The following UGT1A9 variants were observed in gnomAD, a reference collection of about 807,000 sequenced individuals.
UGT1A9 encodes the protein UDP glucuronosyltransferase family 1 member A9.
In UGT1A9, 35 loss-of-function variants were observed where a neutral mutation model predicts 45.0. That is an observed-to-expected ratio of 0.78 (90% CI 0.59 to 1.03). The LOEUF is 1.03. UGT1A9 is among the 50% of genes least tolerant of loss of function. The pLI is 0.00. For missense variants in UGT1A9, 687 were observed against 666.6 expected (o/e 1.03, Z -0.34); for synonymous variants, 278 against 250.6 (o/e 1.11, Z -1.03).
intron 1 of UGT1A9, among the ~76,000 whole-genome samples, chr2:233,750,279 C>G (rs577374317): frequency 6.6e-6 from 1 of 152,046 alleles, no homozygotes; most frequent in East Asian, 1.9e-4. Flanking sequence ...AGCAAAGAGA[C>G]TGGTGGCATT....
chr2:233,677,935 G>A (rs1364585524), intron 1 of UGT1A9, among the ~76,000 whole-genome samples: 1 of 152,128 alleles, frequency 6.6e-6, no homozygotes, highest in Non-Finnish European at 1.5e-5. Flanking sequence ...CCCGTCAACA[G>A]TGGCTTAGAT....
chr2:233,728,954 G>A (rs2077771414), intron 1 of UGT1A9, among the ~76,000 whole-genome samples: 1 of 150,840 alleles, frequency 6.6e-6, no homozygotes, highest in Admixed American at 6.6e-5. Flanking sequence ...GGGGCCCACA[G>A]TGAAAAACAG....
intron 1 of UGT1A9, chr2:233,691,730 A>T (rs1048657443): frequency 1.5e-5 from 12 of 777,576 alleles, no homozygotes; most frequent in Non-Finnish European, 1.9e-5. Context: ...TGGCTGGGCC[A>T]GAAGCAGATA....
At chr2:233,745,942 T>C (rs1437822844) in intron 1 of UGT1A9, among the ~76,000 whole-genome samples, 1 of 151,412 alleles carries the variant, frequency 6.6e-6, no homozygotes, top group Non-Finnish European at 1.5e-5. Flanking sequence ...CAGCTGGGGG[T>C]TGGGCAACTG....
Position 233,768,375 on chromosome 2 carries a change from A to C in UGT1A9, c.1231A>C (p.Asn411His). The change falls in exon 4 of 5, where the codon AAT becomes CAT. Residue 411 changes from asparagine to histidine, a missense_variant. Transcript: ENST00000354728. ...GACTAAGGGAGCTGGAGTGACCCTG[A>C]ATGTTCTGGAAATGACTTCTGAAGA... ...METKGAGVTL[N>H]VLEMTSEDLE... 1 of 1,614,190 alleles carries C rather than the reference A, an allele frequency of 6.2e-7. No individual in the cohort carries two copies. Among genetic ancestry groups the C allele is most frequent in the African/African-American group, 1.3e-5 (1 of 75,044 alleles).
At chr2:233,697,298 A>C (rs1046894333) in intron 1 of UGT1A9, among the ~76,000 whole-genome samples, 1 of 152,102 alleles carries the variant, frequency 6.6e-6, no homozygotes, top group African/African-American at 2.4e-5. Flanking sequence ...TTCTTCATTC[A>C]ATCTTGGTAG....
At chr2:233,705,008 C>T (rs750205782) in intron 1 of UGT1A9, among the ~76,000 whole-genome samples, 15 of 151,968 alleles carry the variant, frequency 9.9e-5, no homozygotes, top group African/African-American at 1.7e-4. Context: ...TGGTGGCAGG[C>T]GCCTGTAATC....
rs567676971 is a variant in UGT1A9 at position 233,725,173 on chromosome 2, C to T, written c.856-41861C>T. 7.4e-5 allele frequency among the ~76,000 whole-genome samples: 7 copies of T among 94,254 alleles called. 2 individuals are homozygous for T. The highest frequency in any genetic ancestry group is 3.8e-4 in the African/African-American group (6 of 15,610). 61.8% of individuals were successfully genotyped at this position (94,254 alleles called of 152,430 possible). Reference sequence around the variant, plus strand: ...CTTCGGCTCTGCATGAGAGGGAGACCGTGGGGAGAGGCAGAGGCAGAGGCA... The same window carrying T: ...CTTCGGCTCTGCATGAGAGGGAGACTGTGGGGAGAGGCAGAGGCAGAGGCA... On this transcript the variant is annotated intron_variant, in intron 1 of 4. Transcript: ENST00000354728.
rs1392569558 is a variant in UGT1A9 at position 233,757,114 on chromosome 2, G to T, written c.856-9920G>T. ...GCAGAGGGAGGGGGCAAGCAGAAGG[G>T]CTAGAGAGGAGGAATGAGCTTGGAC... On this transcript the variant is annotated intron_variant, in intron 1 of 4. Transcript: ENST00000354728. Among the ~76,000 whole-genome samples the T allele has an allele frequency of 7.3e-5, 11 of 151,392 alleles. No individual in the cohort carries two copies. In the South Asian group the frequency reaches 1.7e-3, roughly 23 times the overall value.
At chr2:233,717,542 C>T (rs539125114) in intron 1 of UGT1A9, among the ~76,000 whole-genome samples, 1 of 152,330 alleles carries the variant, frequency 6.6e-6, no homozygotes, top group South Asian at 2.1e-4. Flanking sequence ...AAGCCTCAGC[C>T]TCACCAGCAA....
intron 1 of UGT1A9, among the ~76,000 whole-genome samples, chr2:233,751,857 T>A (rs1270227415): frequency 6.6e-6 from 1 of 152,184 alleles, no homozygotes; most frequent in African/African-American, 2.4e-5. Context: ...ACCTTTGTCT[T>A]TTATAAATTA....
chr2:233,710,278 C>T (rs1324621072), intron 1 of UGT1A9, among the ~76,000 whole-genome samples: 1 of 152,148 alleles, frequency 6.6e-6, no homozygotes, highest in Non-Finnish European at 1.5e-5. Context: ...TGGGTAAATA[C>T]TTAAAAGTGG....
rs746650868 is a variant in UGT1A9 at position 233,672,389 on chromosome 2, A to C, written c.455A>C (p.Asn152Thr). 2.2e-5 allele frequency: 35 copies of C among 1,613,982 alleles called. 1 individual carries two copies. Among genetic ancestry groups the C allele is most frequent in the Middle Eastern group, 1.6e-4 (1 of 6,076 alleles). Residue 152 changes from asparagine to threonine, a missense_variant, in exon 1 of 5, where the codon AAC becomes ACC. Asn to Thr is a moderately conservative substitution (Grantham distance 65, BLOSUM62 0). Coordinates refer to ENST00000354728, the MANE Select transcript of UGT1A9 (RefSeq NM_021027.3). Reference sequence around the variant, plus strand: ...GCAGTGTTTCTCGATCCTTTTGATAACTGTGGCTTAATTGTTGCCAAATAT... The same window carrying C: ...GCAGTGTTTCTCGATCCTTTTGATACCTGTGGCTTAATTGTTGCCAAATAT... ...FDAVFLDPFD[N>T]CGLIVAKYFS...
At chr2:233,727,938 C>T (rs2077667828) in intron 1 of UGT1A9, among the ~76,000 whole-genome samples, 1 of 152,196 alleles carries the variant, frequency 6.6e-6, no homozygotes. Flanking sequence ...AGTGCACACC[C>T]CAGACAGCCT....
intron 1 of UGT1A9, among the ~76,000 whole-genome samples, chr2:233,761,928 C>A (rs183537343): frequency 6.6e-6 from 1 of 152,346 alleles, no homozygotes; most frequent in Non-Finnish European, 1.5e-5. Flanking sequence ...AGCCCAGGCA[C>A]TTCCCAGGTG....
chr2:233,686,717 C>T (rs528849540), intron 1 of UGT1A9, among the ~76,000 whole-genome samples: 1 of 152,350 alleles, frequency 6.6e-6, no homozygotes, highest in Admixed American at 6.5e-5. Context: ...CTCCCACCGG[C>T]TATGAAGGTC....
intron 1 of UGT1A9, among the ~76,000 whole-genome samples, chr2:233,709,365 T>C (rs1407856539): frequency 2.0e-5 from 3 of 152,214 alleles, no homozygotes; most frequent in Admixed American, 6.5e-5. Flanking sequence ...TAGATTTTTC[T>C]GTGTCCTAAT....
At position 233,764,542 on chromosome 2, in the gene UGT1A9, C is replaced by T. The variant is rs34078324; in HGVS notation, c.856-2492C>T. ...CACATCCTGCTGATTGCTGAGTGGGCGTGTGGGAGGGTGTGCCTGGAGGAG... is the reference window on the plus strand; with the variant it reads ...CACATCCTGCTGATTGCTGAGTGGGTGTGTGGGAGGGTGTGCCTGGAGGAG... On this transcript the variant is annotated intron_variant, in intron 1 of 4. Transcript: ENST00000354728. Among the ~76,000 whole-genome samples, 1,361 of 152,150 alleles carry T rather than the reference C, an allele frequency of 8.9e-3. 20 individuals carry two copies. The highest frequency in any genetic ancestry group is 0.032 in the African/African-American group (1,309 of 41,498).
intron 1 of UGT1A9, chr2:233,682,092 G>C: frequency 6.2e-7 from 1 of 1,614,070 alleles, no homozygotes; most frequent in Non-Finnish European, 8.5e-7. Flanking sequence ...ATCCTCAGGG[G>C]GCATGAGGTG....
Sources: allele counts gnomAD v4.1 joint callset (sites outside exome capture counted in the v4.1 genomes callset), GRCh38; gene constraint gnomAD v4.1.1; transcripts MANE v1.5; gene names NCBI Gene and HGNC (gene_info 2026-07-23, HGNC 2026-07-21).